Variants in SUPT3H observed in about 807,000 individuals in gnomAD.
The protein encoded by SUPT3H is transcription initiation protein SPT3 homolog.
Under a neutral mutation model 44.3 loss-of-function variants are expected in SUPT3H, and 44 were observed. That is an observed-to-expected ratio of 0.99 (90% CI 0.78 to 1.28). The LOEUF is 1.28. Ranked by LOEUF, SUPT3H falls within the 50% of genes most tolerant of loss-of-function variation. SUPT3H has a pLI of 0.00. For missense variants in SUPT3H, 380 were observed against 387.1 expected (o/e 0.98, Z 0.15); for synonymous variants, 124 against 125.6 (o/e 0.99, Z 0.09).
chr6:44,854,987 A>G (rs1773493370), intron 10 of SUPT3H, among the ~76,000 whole-genome samples: 1 of 152,170 alleles, frequency 6.6e-6, no homozygotes, highest in Non-Finnish European at 1.5e-5. Flanking sequence ...TGTGTCCTTG[A>G]TGTTTTCACC....
chr6:45,115,559 C>T (rs1300778291), intron 2 of SUPT3H, among the ~76,000 whole-genome samples: 1 of 151,812 alleles, frequency 6.6e-6, no homozygotes, highest in Non-Finnish European at 1.5e-5. Flanking sequence ...AGTTACATAG[C>T]ATTGAAAAAA....
At chr6:45,347,383 T>C (rs753831658) in intron 2 of SUPT3H, among the ~76,000 whole-genome samples, 11 of 152,186 alleles carry the variant, frequency 7.2e-5, no homozygotes, top group Non-Finnish European at 1.3e-4. Context: ...TCTGCAATTG[T>C]ATTTAAAATC....
At chr6:44,835,903 T>C (rs1049113333) in intron 10 of SUPT3H, among the ~76,000 whole-genome samples, 6 of 152,176 alleles carry the variant, frequency 3.9e-5, no homozygotes, top group Admixed American at 3.3e-4. Flanking sequence ...CCCTGGTCTC[T>C]GTGAGGTCAT....
intron 2 of SUPT3H, among the ~76,000 whole-genome samples, chr6:45,120,431 A>AC (rs1406802948): frequency 1.3e-5 from 2 of 148,188 alleles, no homozygotes; most frequent in Non-Finnish European, 3.0e-5. Flanking sequence ...AAAAAAAAAA[A>AC]AAAAAAAAAA....
intron 4 of SUPT3H, among the ~76,000 whole-genome samples, chr6:45,018,854 G>T (rs936027638): frequency 5.3e-5 from 8 of 151,516 alleles, no homozygotes; most frequent in African/African-American, 1.9e-4. Context: ...GGATGATGCT[G>T]GCCTCATAAA....
intron 3 of SUPT3H, among the ~76,000 whole-genome samples, chr6:45,092,750 C>CAA (rs71674371): frequency 0.44 from 54,678 of 124,888 alleles, 11,586 homozygotes; most frequent in East Asian, 0.62. Flanking sequence ...GACTTCGTCT[C>CAA]AAAAAAAAAA....
intron 2 of SUPT3H, among the ~76,000 whole-genome samples, chr6:45,175,961 AG>A (rs1811723460): frequency 6.6e-6 from 1 of 152,210 alleles, no homozygotes; most frequent in Non-Finnish European, 1.5e-5. Context: ...TCTTCCTAGC[AG>A]ATATCTCCAA....
chr6:45,329,565 C>T (rs1185339449), intron 2 of SUPT3H, among the ~76,000 whole-genome samples: 3 of 151,912 alleles, frequency 2.0e-5, no homozygotes, highest in Non-Finnish European at 4.4e-5. Flanking sequence ...CACTGAAACA[C>T]TGAAACGTCT....
At chr6:45,185,349 C>T (rs1310473954) in intron 2 of SUPT3H, among the ~76,000 whole-genome samples, 3 of 152,188 alleles carry the variant, frequency 2.0e-5, no homozygotes, top group East Asian at 1.9e-4. Context: ...TTTTCTCCTA[C>T]CCTTGGTGTT....
intron 10 of SUPT3H, among the ~76,000 whole-genome samples, chr6:44,880,673 A>T (rs1022091646): frequency 6.6e-6 from 1 of 152,220 alleles, no homozygotes; most frequent in African/African-American, 2.4e-5. Flanking sequence ...AAGGGCAGCC[A>T]GAGAGTAAGA....
intron 10 of SUPT3H, among the ~76,000 whole-genome samples, chr6:44,862,825 G>A (rs548760099): frequency 2.6e-5 from 4 of 152,120 alleles, no homozygotes; most frequent in South Asian, 4.1e-4. Context: ...CAATAAAGAC[G>A]TATTGAAGGA....
At position 44,919,151 on chromosome 6, in the gene SUPT3H, C is replaced by T. The variant is rs76109526; in HGVS notation, c.912+13502G>A. Reference sequence around the variant, plus strand: ...AAGTTAGTGCTGCTCTCATTACGTTCCTTACAGTTTCTTTTTCAGGGGGCG... The same window carrying T: ...AAGTTAGTGCTGCTCTCATTACGTTTCTTACAGTTTCTTTTTCAGGGGGCG... On this transcript the variant is annotated intron_variant, in intron 10 of 10. Coordinates refer to ENST00000371459, the MANE Select transcript of SUPT3H (RefSeq NM_003599.4). Among the ~76,000 whole-genome samples, 953 of 152,284 alleles carry T rather than the reference C, an allele frequency of 6.3e-3. 18 individuals carry two copies. The highest frequency in any genetic ancestry group is 0.022 in the African/African-American group (902 of 41,558).
At chr6:45,097,006 G>C (rs190925154) in intron 3 of SUPT3H, among the ~76,000 whole-genome samples, 1 of 152,152 alleles carries the variant, frequency 6.6e-6, no homozygotes, top group African/African-American at 2.4e-5. Context: ...AGGACAAAGA[G>C]AGTGTAGTAT....
chr6:44,938,448 T>C (rs973080178), intron 9 of SUPT3H, among the ~76,000 whole-genome samples: 8 of 152,180 alleles, frequency 5.3e-5, no homozygotes, highest in African/African-American at 1.7e-4. Context: ...TATTTTTATA[T>C]CAGTACCATG....
At chr6:45,316,100 C>A (rs1283048768) in intron 2 of SUPT3H, among the ~76,000 whole-genome samples, 1 of 152,112 alleles carries the variant, frequency 6.6e-6, no homozygotes, top group African/African-American at 2.4e-5. Context: ...CGTATGTTCT[C>A]ACTGATATGT....
intron 2 of SUPT3H, among the ~76,000 whole-genome samples, chr6:45,258,250 T>C (rs914122550): frequency 3.9e-5 from 6 of 152,172 alleles, no homozygotes; most frequent in African/African-American, 1.2e-4. Context: ...TTATGTAAAA[T>C]TAAATGAGCG....
At chr6:45,124,061 C>T (rs1359718570) in intron 2 of SUPT3H, among the ~76,000 whole-genome samples, 1 of 152,128 alleles carries the variant, frequency 6.6e-6, no homozygotes, top group Non-Finnish European at 1.5e-5. Flanking sequence ...ACACCAGTAT[C>T]AAATAATATG....
chr6:45,276,118 T>G (rs536859739), intron 2 of SUPT3H, among the ~76,000 whole-genome samples: 7 of 152,204 alleles, frequency 4.6e-5, no homozygotes, highest in African/African-American at 1.7e-4. Flanking sequence ...CACTAAAATA[T>G]TCTGCTATTT....
intron 2 of SUPT3H, among the ~76,000 whole-genome samples, chr6:45,288,690 T>G (rs1293573961): frequency 6.7e-6 from 1 of 149,752 alleles, no homozygotes; most frequent in African/African-American, 2.4e-5. Context: ...ATAAATTCAT[T>G]AATTCCTTGC....
Sources: allele counts gnomAD v4.1 joint callset (sites outside exome capture counted in the v4.1 genomes callset), GRCh38; gene constraint gnomAD v4.1.1; transcripts MANE v1.5; gene names NCBI Gene and HGNC (gene_info 2026-07-23, HGNC 2026-07-21).